GPR157: variants seen among roughly 807,000 people sequenced by gnomAD.
GPR157 encodes G-protein coupled receptor 157.
GPR157 carries 16 observed loss-of-function variants against 23.5 expected under a neutral mutation model. The ratio of observed to expected loss-of-function variants is 0.68; its 90% CI spans 0.46 to 1.04. The LOEUF (loss-of-function observed/expected upper bound fraction) is 1.04, where lower values mean the gene tolerates loss of function less well. Ranked by LOEUF, GPR157 falls within the 50% of genes least tolerant of loss-of-function variation. The pLI, the probability that GPR157 is intolerant of heterozygous loss-of-function variation, is 0.00. For synonymous variants in GPR157, 200 were observed against 221.5 expected (o/e 0.90, Z 0.86); for missense variants, 440 against 460.7 (o/e 0.96, Z 0.41).
intron 2 of GPR157, among the ~76,000 whole-genome samples, chr1:9,109,511 G>A (rs1300345360): frequency 6.6e-6 from 1 of 152,116 alleles, no homozygotes; most frequent in Non-Finnish European, 1.5e-5. Context: ...TCCTGCTTCA[G>A]TCTCCCGAGT....
chr1:9,126,418 G>A (rs1638964652), intron 1 of GPR157, among the ~76,000 whole-genome samples: 1 of 151,978 alleles, frequency 6.6e-6, no homozygotes, highest in Admixed American at 6.6e-5. Flanking sequence ...GATATTTGTG[G>A]GTTTAAAACA....
intron 1 of GPR157, among the ~76,000 whole-genome samples, chr1:9,123,371 A>T (rs1044986243): frequency 0.014 from 278 of 19,610 alleles, no homozygotes; most frequent in African/African-American, 0.07. Context: ...ATATATTTAA[A>T]TTAAATATAT....
intron 1 of GPR157, among the ~76,000 whole-genome samples, chr1:9,116,464 T>C (rs1638681121): frequency 7.5e-6 from 1 of 133,778 alleles, no homozygotes. Context: ...TGAGTATTTA[T>C]GGCTTTTTTT....
intron 1 of GPR157, among the ~76,000 whole-genome samples, chr1:9,127,295 C>T (rs1346956225): frequency 6.6e-6 from 1 of 152,106 alleles, no homozygotes; most frequent in Non-Finnish European, 1.5e-5. Flanking sequence ...CCTTCTTTTC[C>T]ACAGAAGCTG....
rs1260952899 is a variant in GPR157 at position 9,108,288 on chromosome 1, C to T, written c.598-2608G>A. Among the ~76,000 whole-genome samples, 10 of 152,132 alleles carry T rather than the reference C, an allele frequency of 6.6e-5. No individual in the cohort carries two copies. The East Asian group carries it at 1.3e-3, about 20-fold the overall frequency. ...TCCTCCTCCTCCTCCTCCAGCTCACCGATTCTTGGCTCATTCCTAGCTAGA... is the reference window on the plus strand; with the variant it reads ...TCCTCCTCCTCCTCCTCCAGCTCACTGATTCTTGGCTCATTCCTAGCTAGA... On this transcript the variant is annotated intron_variant, in intron 2 of 3. Coordinates refer to ENST00000377411, the MANE Select transcript of GPR157 (RefSeq NM_024980.5).
In GPR157 at chr1:9,114,326, CA is replaced by C. The variant is rs58549365; in HGVS notation, c.384-2838del. Among the ~76,000 whole-genome samples, 441 of 103,094 alleles carry C rather than the reference CA, an allele frequency of 4.3e-3. 2 individuals are homozygous for C. Among genetic ancestry groups the C allele is most frequent in the African/African-American group, 0.011 (283 of 25,902 alleles). 67.6% of individuals were successfully genotyped at this position (103,094 alleles called of 152,430 possible). ...CCTGGGTGACGAAGTGAGACTGTCT[CA>C]AAAAAAAAAAAAAAAAAAGTAATCG... On this transcript the variant is annotated intron_variant, in intron 1 of 3. Transcript: ENST00000377411.
intron 1 of GPR157, among the ~76,000 whole-genome samples, chr1:9,113,541 C>A (rs1419421491): frequency 1.3e-5 from 2 of 152,160 alleles, no homozygotes; most frequent in Non-Finnish European, 2.9e-5. Flanking sequence ...CCCCACTGGC[C>A]TCTGTAGGGA....
intron 1 of GPR157, among the ~76,000 whole-genome samples, chr1:9,127,825 C>T (rs1557702741): frequency 1.3e-5 from 2 of 152,154 alleles, no homozygotes; most frequent in Non-Finnish European, 2.9e-5. Context: ...GAAAACAGCC[C>T]CTAGGATTCC....
chr1:9,128,771 G>T lies in GPR157; in HGVS notation c.257C>A (p.Ser86Tyr). ...SWDCVLQGALSTFANTSSFFW... is the reference protein window; with the variant it reads ...SWDCVLQGALYTFANTSSFFW... ...GAAGGAGCTGGTGTTGGCGAAGGTG[G>T]ACAGCGCGCCCTGCAGCACGCAGTC... Residue 86 changes from serine (S) to tyrosine (Y), a missense_variant, in exon 1 of 4, where the codon TCC (serine) becomes TAC (tyrosine). Transcript: ENST00000377411. The surrounding 1 kb of genome is among the most constrained non-coding windows in gnomAD (Gnocchi z 6.3). The T allele has an allele frequency of 6.2e-7, 1 of 1,612,272 alleles. No individual in the cohort carries two copies. Among genetic ancestry groups the T allele is most frequent in the Non-Finnish European group, 8.5e-7 (1 of 1,179,156 alleles).
intron 2 of GPR157, among the ~76,000 whole-genome samples, chr1:9,108,795 AT>A (rs56404416): frequency 7.3e-5 from 11 of 150,322 alleles, no homozygotes; most frequent in Non-Finnish European, 1.6e-4. Flanking sequence ...ACACCAGCTA[AT>A]TTTTTTTTTG....
chr1:9,114,995 A>G (rs1392193835), intron 1 of GPR157, among the ~76,000 whole-genome samples: 13 of 151,958 alleles, frequency 8.6e-5, no homozygotes, highest in Non-Finnish European at 1.8e-4. Context: ...GAACACACAG[A>G]AGGAGCAGCT....
At position 9,123,163 on chromosome 1, in the gene GPR157, G is replaced by GGTA. The variant is rs374439585; in HGVS notation, c.383+5481_383+5482insTAC. On this transcript the variant is annotated intron_variant, in intron 1 of 3. Coordinates refer to ENST00000377411, the MANE Select transcript of GPR157 (RefSeq NM_024980.5). ...ACAAGAGTGAAACTGTCTTGGGTGG[G>GGTA]AAAAAAAAAAAATATATATATATAT... is the stretch of plus-strand genomic sequence containing the variant. Among the ~76,000 whole-genome samples, 143 of 87,558 alleles carry GGTA rather than the reference G, an allele frequency of 1.6e-3. 1 individual carries two copies. Among genetic ancestry groups the GGTA allele is most frequent in the African/African-American group, 6.1e-3 (141 of 23,068 alleles). 57.4% of individuals were successfully genotyped at this position (87,558 alleles called of 152,430 possible).
At position 9,113,956 on chromosome 1, in the gene GPR157, AACACACACAC is replaced by A. The variant is rs35650719; in HGVS notation, c.384-2477_384-2468del. Among the ~76,000 whole-genome samples, 165 of 121,894 alleles carry A rather than the reference AACACACACAC, an allele frequency of 1.4e-3. 2 individuals are homozygous for A. Among genetic ancestry groups the A allele is most frequent in the East Asian group, 7.7e-3 (32 of 4,172 alleles). 80.0% of individuals were successfully genotyped at this position (121,894 alleles called of 152,430 possible). ...AGACCCTGTCTCAAAAAAAAAACCA[AACACACACAC>A]ACACACACACACACACACACACACA... On this transcript the variant is annotated intron_variant, in intron 1 of 3. Coordinates refer to ENST00000377411, the MANE Select transcript of GPR157 (RefSeq NM_024980.5).
chr1:9,125,349 G>C (rs1038821295), intron 1 of GPR157, among the ~76,000 whole-genome samples: 1 of 152,064 alleles, frequency 6.6e-6, no homozygotes, highest in Admixed American at 6.6e-5. Flanking sequence ...AAAGTGCTGG[G>C]ATTACAGGTG....
intron 1 of GPR157, among the ~76,000 whole-genome samples, chr1:9,127,248 G>T (rs369791187): frequency 6.6e-6 from 1 of 152,020 alleles, no homozygotes; most frequent in Non-Finnish European, 1.5e-5. Flanking sequence ...AATGAGAACC[G>T]AACAGAAAAA....
chr1:9,123,259 TAAATATATA>T (rs1557700620), intron 1 of GPR157, among the ~76,000 whole-genome samples: 4 of 26,078 alleles, frequency 1.5e-4, no homozygotes, highest in Admixed American at 5.7e-4. Context: ...AATATATATT[TAAATATATA>T]TATTTAAATA....
Position 9,103,152 on chromosome 1 carries a change from C to G in GPR157, c.*1267G>C, listed in dbSNP as rs1430072767. ...TGACTCTGAAGCTTAAAACCTTCACCTTTAGGAAGAAATCGTATTTGTTTG... is the reference window on the plus strand; with the variant it reads ...TGACTCTGAAGCTTAAAACCTTCACGTTTAGGAAGAAATCGTATTTGTTTG... On this transcript the variant is annotated 3_prime_UTR_variant, in exon 4 of 4. Transcript: ENST00000377411. 1 of 149,346 alleles carries G rather than the reference C, an allele frequency of 6.7e-6. No homozygotes were observed. Among genetic ancestry groups the G allele is most frequent in the Non-Finnish European group, 1.5e-5 (1 of 67,560 alleles). The allele number at this position is 149,346 out of a possible 1,614,324, so 9.3% of individuals were successfully genotyped here.
At position 9,105,641 on chromosome 1, in the gene GPR157, C is replaced by A. The variant is rs767320305; in HGVS notation, c.637G>T (p.Glu213Ter). ...LSEYRPILSQ[E>*]HRLLRHSSMA... is the part of the protein sequence containing the mutation. ...GAGGAGTGGCGCAGCAGGCGGTGCT[C>A]CTGGGAGAGGATGGGCCGGTACTCA... Residue 213 changes from glutamate to a stop codon, truncating the protein, a stop_gained, in exon 3 of 4, where the codon GAG (glutamate) becomes TAG (stop). Transcript: ENST00000377411. LOFTEE classifies it high-confidence loss of function. This position sits in a 1 kb window ranked among gnomAD's most constrained non-coding sequence, Gnocchi z 4.8. 2.5e-6 allele frequency: 4 copies of A among 1,612,754 alleles called. No individual in the cohort carries two copies. The highest frequency in any genetic ancestry group is 3.4e-6 in the Non-Finnish European group (4 of 1,179,666).
At chr1:9,106,752 T>A (rs1638344583) in intron 2 of GPR157, among the ~76,000 whole-genome samples, 1 of 152,094 alleles carries the variant, frequency 6.6e-6, no homozygotes, top group African/African-American at 2.4e-5. Context: ...TTGCTTGAAG[T>A]CAGGAGTTCG....
Sources: gnomAD v4.1 joint callset for allele counts (sites outside exome capture counted in the v4.1 genomes callset) on GRCh38, gnomAD v4.1.1 for gene constraint, Gnocchi (gnomAD v3.1) non-coding constraint, MANE v1.5 for transcripts, NCBI Gene and HGNC (gene_info 2026-07-23, HGNC 2026-07-21) for gene names.